The following B4GALT6 variants were observed in gnomAD, a reference collection of about 807,000 sequenced individuals.
B4GALT6 encodes the protein beta-1,4-galactosyltransferase 6.
B4GALT6 carries 14 observed loss-of-function variants against 46.3 expected under a neutral mutation model. That is an observed-to-expected ratio of 0.30 (90% CI 0.20 to 0.47). The LOEUF is 0.47. Ranked by LOEUF, B4GALT6 falls within the 20% of genes least tolerant of loss-of-function variation. The pLI, the probability that B4GALT6 is intolerant of heterozygous loss-of-function variation, is 0.99. For missense variants in B4GALT6, 386 were observed against 480.1 expected (o/e 0.80, Z 1.83); for synonymous variants, 168 against 162.0 (o/e 1.04, Z -0.28).
chr18:31,661,209 G>A (rs1345310612), intron 2 of B4GALT6, among the ~76,000 whole-genome samples: 1 of 152,132 alleles, frequency 6.6e-6, no homozygotes, highest in Non-Finnish European at 1.5e-5. Context: ...TTTAAATTGT[G>A]ACATAATTAT....
the B4GALT6 span, among the ~76,000 whole-genome samples, chr18:31,711,726 G>A: frequency 6.6e-6 from 1 of 151,964 alleles, no homozygotes; most frequent in African/African-American, 2.4e-5. Context: ...AACTCTATCT[G>A]TGCACCAAAT....
At chr18:31,640,664 TAAC>T (rs2144559479) in intron 4 of B4GALT6, among the ~76,000 whole-genome samples, 1 of 152,334 alleles carries the variant, frequency 6.6e-6, no homozygotes, top group African/African-American at 2.4e-5. Context: ...GGTTTCCCCA[TAAC>T]GTCTCTCTTG....
intron 3 of B4GALT6, among the ~76,000 whole-genome samples, chr18:31,649,368 T>G (rs918106189): frequency 1.3e-5 from 2 of 152,004 alleles, no homozygotes; most frequent in African/African-American, 4.8e-5. Flanking sequence ...GGACACAGAA[T>G]GAATGAATGA....
chr18:31,658,171 G>T, intron 2 of B4GALT6, 82 bp from the exon 3 acceptor site: 2 of 952,112 alleles, frequency 2.1e-6, no homozygotes, highest in Non-Finnish European at 3.3e-6. Flanking sequence ...CACTATCACT[G>T]GGAGAAAACT....
At position 31,625,610 on chromosome 18, in the gene B4GALT6, T is replaced by C; in HGVS notation, c.*4A>G. Reference sequence around the variant, plus strand: ...GGTCTACCTTGCCACGACAGCCACTTCTTTTAATAGTCTTCGATTGGAGCT... The same window carrying C: ...GGTCTACCTTGCCACGACAGCCACTCCTTTTAATAGTCTTCGATTGGAGCT... On this transcript the variant is annotated 3_prime_UTR_variant, in exon 9 of 9. Transcript: ENST00000306851. 3 of 1,613,498 alleles carry C rather than the reference T, an allele frequency of 1.9e-6. No homozygotes were observed. The highest frequency in any genetic ancestry group is 2.5e-6 in the Non-Finnish European group (3 of 1,179,794).
intron 1 of B4GALT6, among the ~76,000 whole-genome samples, chr18:31,682,524 A>G (rs2074491803): frequency 6.6e-6 from 1 of 152,244 alleles, no homozygotes; most frequent in African/African-American, 2.4e-5. Flanking sequence ...TATGGCAAAC[A>G]TTAAGCATTC....
At chr18:31,676,296 C>A (rs2080900522) in intron 1 of B4GALT6, among the ~76,000 whole-genome samples, 1 of 152,040 alleles carries the variant, frequency 6.6e-6, no homozygotes, top group Non-Finnish European at 1.5e-5. Flanking sequence ...GTCATAGTAA[C>A]AAACTTCATA....
At chr18:31,697,171 C>T in the B4GALT6 span, among the ~76,000 whole-genome samples, 1 of 152,052 alleles carries the variant, frequency 6.6e-6, no homozygotes, top group East Asian at 1.9e-4. Flanking sequence ...ACTCAGAAGG[C>T]TGAGGTGGGA....
chr18:31,664,388 A>C (rs1015057506), intron 2 of B4GALT6, among the ~76,000 whole-genome samples: 2 of 152,228 alleles, frequency 1.3e-5, no homozygotes, highest in Non-Finnish European at 2.9e-5. Flanking sequence ...CTGTTTCCTG[A>C]GAACAGTTTT....
the B4GALT6 span, among the ~76,000 whole-genome samples, chr18:31,708,975 A>T: frequency 5.3e-5 from 8 of 152,220 alleles, no homozygotes; most frequent in East Asian, 1.5e-3. Context: ...ATTGTTGCAA[A>T]TTTAATTGTA....
rs367905480 is a variant in B4GALT6, at chr18:31,684,561, G to A, written c.-135C>T. On this transcript the variant is annotated 5_prime_UTR_variant, in exon 1 of 9. Coordinates refer to ENST00000306851, the MANE Select transcript of B4GALT6 (RefSeq NM_004775.5). ...GGTCCGCGCGGGGAGGCTCTGGGGA[G>A]AGGGCCCGAGCGGAAAAGAGGAAAT... 1.4e-6 allele frequency: 2 copies of A among 1,446,326 alleles called. No homozygotes were observed. Among genetic ancestry groups the A allele is most frequent in the African/African-American group, 2.9e-5 (2 of 70,144 alleles). The allele number at this position is 1,446,326 out of a possible 1,614,324, so 89.6% of individuals were successfully genotyped here. A position where few individuals can be genotyped will look rare whatever the true frequency, so the allele number is the denominator to read the frequency against.
At chr18:31,673,924 A>G (rs913178369) in intron 1 of B4GALT6, among the ~76,000 whole-genome samples, 1 of 152,002 alleles carries the variant, frequency 6.6e-6, no homozygotes, top group Non-Finnish European at 1.5e-5. Context: ...ACACTCTCAC[A>G]GACACACACA....
At chr18:31,680,710 T>C (rs996678028) in intron 1 of B4GALT6, among the ~76,000 whole-genome samples, 3 of 152,266 alleles carry the variant, frequency 2.0e-5, no homozygotes, top group African/African-American at 7.2e-5. Context: ...CAATTTATTT[T>C]GTAATCACAG....
intron 1 of B4GALT6, among the ~76,000 whole-genome samples, chr18:31,683,795 A>T (rs902199932): frequency 2.6e-5 from 4 of 152,122 alleles, no homozygotes; most frequent in Non-Finnish European, 4.4e-5. Flanking sequence ...AAATTCCCCA[A>T]GTATGGCACA....
chr18:31,679,846 T>G (rs1312374015), intron 1 of B4GALT6, among the ~76,000 whole-genome samples: 1 of 152,208 alleles, frequency 6.6e-6, no homozygotes, highest in Admixed American at 6.5e-5. Flanking sequence ...CCAAACCTCA[T>G]GTTAAAGCTC....
At chr18:31,651,006 TCCA>T (rs1356388438) in intron 3 of B4GALT6, among the ~76,000 whole-genome samples, 1 of 152,164 alleles carries the variant, frequency 6.6e-6, no homozygotes, top group Non-Finnish European at 1.5e-5. Context: ...GAGCTTGTGA[TCCA>T]CCCACCTCGG....
At chr18:31,675,930 T>C (rs1182900084) in intron 1 of B4GALT6, among the ~76,000 whole-genome samples, 1 of 152,166 alleles carries the variant, frequency 6.6e-6, no homozygotes, top group Non-Finnish European at 1.5e-5. Context: ...ACAATTAAAA[T>C]ACCTTTCAGA....
At chr18:31,655,970 A>G (rs2074133366) in intron 3 of B4GALT6, among the ~76,000 whole-genome samples, 1 of 152,136 alleles carries the variant, frequency 6.6e-6, no homozygotes, top group Non-Finnish European at 1.5e-5. Context: ...ACGTGGCCCA[A>G]GGCTCAGCGG....
At chr18:31,668,978 T>C (rs2074316433) in intron 1 of B4GALT6, among the ~76,000 whole-genome samples, 1 of 150,308 alleles carries the variant, frequency 6.7e-6, no homozygotes, top group African/African-American at 2.5e-5. Context: ...ACTGCGCCAC[T>C]GCACTCTAGC....
Sources: allele counts gnomAD v4.1 joint callset (sites outside exome capture counted in the v4.1 genomes callset), GRCh38; gene constraint gnomAD v4.1.1; transcripts MANE v1.5; gene names NCBI Gene and HGNC (gene_info 2026-07-23, HGNC 2026-07-21).